The following CALM3 variants were observed in gnomAD, a reference collection of about 807,000 sequenced individuals.
CALM3 encodes calmodulin 3.
In CALM3, 5 loss-of-function variants were observed where a neutral mutation model predicts 20.1. That is an observed-to-expected ratio of 0.25 (90% CI 0.13 to 0.52). CALM3 has a LOEUF of 0.52. Ranked by LOEUF, CALM3 falls within the 20% of genes least tolerant of loss-of-function variation. The pLI is 0.96. For missense variants in CALM3, 57 were observed against 192.8 expected, an observed-to-expected ratio of 0.30 and a Z score of 4.17; for synonymous variants, 69 against 68.1, an observed-to-expected ratio of 1.01 and a Z score of -0.06.
At chr19:46,602,282 T>C (rs1233825733) in intron 1 of CALM3, 1 of 1,188,660 alleles carries the variant, frequency 8.4e-7, no homozygotes, top group Non-Finnish European at 1.1e-6. Context: ...CTAGAAAAGG[T>C]TCCGAGGTTA....
chr19:46,602,256 GTT>G, intron 1 of CALM3: 4 of 1,322,940 alleles, frequency 3.0e-6, no homozygotes, highest in Non-Finnish European at 3.0e-6. Flanking sequence ...GACCCTTGGG[GTT>G]AATTTGGAAG....
In CALM3 at chr19:46,605,984, T is replaced by A; in HGVS notation, c.34+127T>A. 1.2e-6 allele frequency: 1 copy of A among 822,872 alleles called. No homozygotes were observed. The highest frequency in any genetic ancestry group is 2.1e-6 in the Non-Finnish European group (1 of 487,552). The allele number at this position is 822,872 out of a possible 1,614,324, so 51.0% of individuals were successfully genotyped here. On this transcript the variant is annotated intron_variant, in intron 2 of 5. Transcript: ENST00000291295. This position sits in a 1 kb window ranked among gnomAD's most constrained non-coding sequence, Gnocchi z 4.1. ...CCCTTGTGTCACCTAACACTATGCC[T>A]TGTGCCTAGAATGCTGATAAATGTG...
chr19:46,607,407 G>A (rs1401950034), intron 2 of CALM3, among the ~76,000 whole-genome samples: 4 of 152,222 alleles, frequency 2.6e-5, no homozygotes, highest in Admixed American at 2.6e-4. Flanking sequence ...ATCTGTTTTT[G>A]GAGGGCTTGG....
chr19:46,606,077 C>G, intron 2 of CALM3: 1 of 526,038 alleles, frequency 1.9e-6, no homozygotes, highest in Non-Finnish European at 3.4e-6. Context: ...TTACCAGACA[C>G]CAAAGGCTGT....
At chr19:46,604,128 C>T (rs1448511584) in intron 1 of CALM3, among the ~76,000 whole-genome samples, 3 of 152,140 alleles carry the variant, frequency 2.0e-5, no homozygotes, top group Admixed American at 1.3e-4. Flanking sequence ...CTGCCCTCCT[C>T]TCTGTTCTTT....
chr19:46,601,079 G>A (rs1285912223), upstream of CALM3: 32 of 1,187,404 alleles, frequency 2.7e-5, no homozygotes, highest in Non-Finnish European at 3.5e-5. This position sits in a 1 kb window ranked among gnomAD's most constrained non-coding sequence, Gnocchi z 4.2. Flanking sequence ...GGCGCGCGGC[G>A]AGGGAAAGTA....
chr19:46,608,386 G>T lies in CALM3; in HGVS notation c.178+46G>T, dbSNP rs781598565. The T allele has an allele frequency of 5.6e-6, 9 of 1,611,996 alleles. No individual in the cohort carries two copies. The highest frequency in any genetic ancestry group is 4.4e-5 in the South Asian group (4 of 90,962). On this transcript the variant is annotated intron_variant, in intron 3 of 5. Transcript: ENST00000291295. The surrounding 1 kb of genome is among the most constrained non-coding windows in gnomAD (Gnocchi z 5.5). ...GGGCAGCCCTGCTCCTGGTCACCCC[G>T]AGTGACTGCAGGGAGCCTCTCTCAG...
In CALM3 at chr19:46,608,126, A is replaced by G; in HGVS notation, c.35-71A>G. Reference sequence around the variant, plus strand: ...CCCTTGGCCTTCCTCCAGGGAAGGCATCCAGCATCCAGAGGTAAGGATTCT... The same window carrying G: ...CCCTTGGCCTTCCTCCAGGGAAGGCGTCCAGCATCCAGAGGTAAGGATTCT... On this transcript the variant is annotated intron_variant, in intron 2 of 5. Transcript: ENST00000291295. The surrounding 1 kb of genome is among the most constrained non-coding windows in gnomAD (Gnocchi z 5.5). The G allele has an allele frequency of 4.7e-6, 7 of 1,490,428 alleles. No homozygotes were observed. The highest frequency in any genetic ancestry group is 6.4e-6 in the Non-Finnish European group (7 of 1,095,782). The allele number at this position is 1,490,428 out of a possible 1,614,324, so 92.3% of individuals were successfully genotyped here.
intron 2 of CALM3, chr19:46,606,119 C>G: frequency 2.3e-6 from 1 of 431,018 alleles, no homozygotes; most frequent in South Asian, 2.6e-5. Context: ...CATCTAGGGG[C>G]TTGATATCAG....
Position 46,601,469 on chromosome 19 carries a change from G to T in CALM3, c.3+32G>T. On this transcript the variant is annotated intron_variant, in intron 1 of 5. Coordinates refer to ENST00000291295, the MANE Select transcript of CALM3 (RefSeq NM_005184.4). The surrounding 1 kb of genome is among the most constrained non-coding windows in gnomAD (Gnocchi z 4.2). ...GAGGCTGGGGGGTCGCCGAGGCTGC[G>T]GGCTCTGAGGCGGGCTTAACGGGGC... The T allele has an allele frequency of 6.7e-7, 1 of 1,484,610 alleles. No homozygotes were observed. Among genetic ancestry groups the T allele is most frequent in the Non-Finnish European group, 9.0e-7 (1 of 1,116,806 alleles). The allele number at this position is 1,484,610 out of a possible 1,614,324, so 92.0% of individuals were successfully genotyped here. A position where few individuals can be genotyped will look rare whatever the true frequency, so the allele number is the denominator to read the frequency against.
Position 46,601,411 on chromosome 19 carries a change from G to A in CALM3, c.-24G>A, listed in dbSNP as rs1475093619. 4 of 1,508,776 alleles carry A rather than the reference G, an allele frequency of 2.7e-6. No individual in the cohort carries two copies. In the Admixed American group the frequency reaches 6.2e-5, roughly 24 times the overall value. 93.5% of individuals were successfully genotyped at this position (1,508,776 alleles called of 1,614,324 possible). On this transcript the variant is annotated 5_prime_UTR_variant, in exon 1 of 6. Coordinates refer to ENST00000291295, the MANE Select transcript of CALM3 (RefSeq NM_005184.4). This position sits in a 1 kb window ranked among gnomAD's most constrained non-coding sequence, Gnocchi z 4.2. ...CCGCCGGAGGAACCTTGATCCCCGT[G>A]CTCCGGACACCCCGGGCCTCGCCAT...
At position 46,609,190 on chromosome 19, in the gene CALM3, A is replaced by C. The variant is rs1310738179; in HGVS notation, c.*37A>C. The C allele has an allele frequency of 6.2e-7, 1 of 1,608,762 alleles. No homozygotes were observed. The highest frequency in any genetic ancestry group is 1.1e-5 in the South Asian group (1 of 90,576). The stretch of plus-strand genomic sequence containing the variant: ...GCAGCTGGCGATGCCCGTTCTCTTG[A>C]TCTCTCTCTTCTCGCGCGCGCACTC... On this transcript the variant is annotated 3_prime_UTR_variant, in exon 6 of 6. Coordinates refer to ENST00000291295, the MANE Select transcript of CALM3 (RefSeq NM_005184.4).
chr19:46,603,331 CTCTT>C (rs922510872), intron 1 of CALM3, among the ~76,000 whole-genome samples: 82 of 152,358 alleles, frequency 5.4e-4, no homozygotes, highest in African/African-American at 1.9e-3. Context: ...CAACTAGTTT[CTCTT>C]TCTGTTTGTA....
chr19:46,601,877 TGCGGGGA>T lies in CALM3; in HGVS notation c.3+441_3+447del, dbSNP rs1411008141. ...ATGAAGGCGTTTGGTCCTGAGAGGA[TGCGGGGA>T]ACGGGGGACGAAGGGAGGCTGGGCT... On this transcript the variant is annotated intron_variant, in intron 1 of 5. Coordinates refer to ENST00000291295, the MANE Select transcript of CALM3 (RefSeq NM_005184.4). The surrounding 1 kb of genome is among the most constrained non-coding windows in gnomAD (Gnocchi z 4.2). 6.9e-6 allele frequency among the ~76,000 whole-genome samples: 1 copy of T among 145,782 alleles called. No individual in the cohort carries two copies. Among genetic ancestry groups the T allele is most frequent in the African/African-American group, 2.6e-5 (1 of 38,956 alleles).
rs764310978 is a variant in CALM3 at position 46,605,782 on chromosome 19, T to C, written c.4-45T>C. ...GGGCTGAGTGAGGAAGATGCGTCCGTGCTGTCCGGCCTGGTGACTGACTTT... is the reference window on the plus strand; with the variant it reads ...GGGCTGAGTGAGGAAGATGCGTCCGCGCTGTCCGGCCTGGTGACTGACTTT... On this transcript the variant is annotated intron_variant, in intron 1 of 5. Coordinates refer to ENST00000291295, the MANE Select transcript of CALM3 (RefSeq NM_005184.4). The surrounding 1 kb of genome is among the most constrained non-coding windows in gnomAD (Gnocchi z 4.1). The C allele has an allele frequency of 9.3e-6, 15 of 1,609,294 alleles. No individual in the cohort carries two copies. Among genetic ancestry groups the C allele is most frequent in the Admixed American group, 6.7e-5 (4 of 59,986 alleles).
At position 46,608,830 on chromosome 19, in the gene CALM3, T is replaced by C. The variant is rs748186451; in HGVS notation, c.286-16T>C. ...GGGAGAAGTGCCCAGTGAAAGGCTT[T>C]ATCCCCAACCCCCAGGATGGGAATG... On this transcript the variant is annotated splice_polypyrimidine_tract_variant and intron_variant, in intron 4 of 5. Coordinates refer to ENST00000291295, the MANE Select transcript of CALM3 (RefSeq NM_005184.4). This position sits in a 1 kb window ranked among gnomAD's most constrained non-coding sequence, Gnocchi z 5.5. 6.5e-7 allele frequency: 1 copy of C among 1,541,014 alleles called. No individual in the cohort carries two copies. Among genetic ancestry groups the C allele is most frequent in the East Asian group, 2.3e-5 (1 of 44,334 alleles).
At chr19:46,601,079 G>T (rs1285912223), upstream of CALM3, 1 of 1,187,516 alleles carries the variant, frequency 8.4e-7, no homozygotes, top group Non-Finnish European at 1.2e-6. This position sits in a 1 kb window ranked among gnomAD's most constrained non-coding sequence, Gnocchi z 4.2. Context: ...GGCGCGCGGC[G>T]AGGGAAAGTA....
At chr19:46,607,220 C>A (rs1971760614) in intron 2 of CALM3, among the ~76,000 whole-genome samples, 1 of 152,164 alleles carries the variant, frequency 6.6e-6, no homozygotes, top group South Asian at 2.1e-4. Context: ...GTCCCCAGGG[C>A]CCAGAGGCTC....
Position 46,608,661 on chromosome 19 carries a change from C to G in CALM3, c.285+73C>G. 7.3e-7 allele frequency: 1 copy of G among 1,377,350 alleles called. No individual in the cohort carries two copies. The highest frequency in any genetic ancestry group is 1.0e-6 in the Non-Finnish European group (1 of 977,708). The allele number at this position is 1,377,350 out of a possible 1,614,324, so 85.3% of individuals were successfully genotyped here. ...AGGCAGACAGGCGGAACTGGAGCCA[C>G]GGAGCTACCACTTCCAGGAGGTCCG... On this transcript the variant is annotated intron_variant, in intron 4 of 5. Coordinates refer to ENST00000291295, the MANE Select transcript of CALM3 (RefSeq NM_005184.4). The surrounding 1 kb of genome is among the most constrained non-coding windows in gnomAD (Gnocchi z 5.5).
Sources: gnomAD v4.1 joint callset for allele counts (sites outside exome capture counted in the v4.1 genomes callset) on GRCh38, gnomAD v4.1.1 for gene constraint, Gnocchi (gnomAD v3.1) non-coding constraint, MANE v1.5 for transcripts, NCBI Gene and HGNC (gene_info 2026-07-23, HGNC 2026-07-21) for gene names.